HECW2: variants seen among roughly 807,000 people sequenced by gnomAD.
The protein encoded by HECW2 is HECT, C2 and WW domain containing E3 ubiquitin protein ligase 2, also known as E3 ubiquitin-protein ligase HECW2.
A neutral mutation model predicts 175.2 loss-of-function variants in HECW2; 61 were observed. The ratio of observed to expected loss-of-function variants is 0.35; its 90% CI spans 0.28 to 0.43. The LOEUF is 0.43. Ranked by LOEUF, HECW2 falls within the 20% of genes least tolerant of loss-of-function variation. The probability of loss-of-function intolerance (pLI) is 1.00; values close to 1 mark genes in which losing one functional copy is unlikely to be tolerated. For synonymous variants in HECW2, 671 were observed against 731.0 expected (o/e 0.92, Z 1.32); for missense variants, 1,524 against 2,000.5 (o/e 0.76, Z 4.54).
At chr2:196,379,719 A>T (rs1265956423) in intron 2 of HECW2, among the ~76,000 whole-genome samples, 4 of 150,484 alleles carry the variant, frequency 2.7e-5, no homozygotes, top group Non-Finnish European at 5.9e-5. Flanking sequence ...AGATTATGGC[A>T]CCTTAAGGAC....
chr2:196,244,316 C>T (rs1292144114), intron 19 of HECW2, among the ~76,000 whole-genome samples: 1 of 152,170 alleles, frequency 6.6e-6, no homozygotes, highest in Non-Finnish European at 1.5e-5. Context: ...TATACCTAGT[C>T]CTATAGATCC....
intron 2 of HECW2, among the ~76,000 whole-genome samples, chr2:196,372,997 A>C (rs187179168): frequency 1.3e-5 from 2 of 152,322 alleles, no homozygotes; most frequent in Admixed American, 1.3e-4. Flanking sequence ...GAGGATTGTG[A>C]AGCTACATAA....
chr2:196,261,602 T>A (rs1689296019), intron 17 of HECW2, among the ~76,000 whole-genome samples: 1 of 152,184 alleles, frequency 6.6e-6, no homozygotes. Flanking sequence ...CACAGAAAGG[T>A]GCAAATGTGT....
intron 1 of HECW2, among the ~76,000 whole-genome samples, chr2:196,585,515 G>GT (rs750545345): frequency 1.5e-4 from 23 of 152,326 alleles, no homozygotes; most frequent in Non-Finnish European, 2.8e-4. Context: ...ATTAGGATGA[G>GT]TTAGTTGAGC....
rs1686615909 is a variant in HECW2, at chr2:196,194,113, A to G, written c.*7164T>C. ...GATTTGTATTATAATTCATTCCTTT[A>G]ACATTAACAGCCCATCAAACAGTAA... is the stretch of plus-strand genomic sequence containing the variant. On this transcript the variant is annotated 3_prime_UTR_variant, in exon 29 of 29. Coordinates refer to ENST00000644978, the MANE Select transcript of HECW2 (RefSeq NM_001348768.2). 5 of 152,182 alleles carry G rather than the reference A, an allele frequency of 3.3e-5. No homozygotes were observed. Among genetic ancestry groups the G allele is most frequent in the Admixed American group, 3.3e-4 (5 of 15,284 alleles). 9.4% of individuals were successfully genotyped at this position (152,182 alleles called of 1,614,324 possible).
chr2:196,513,777 G>A (rs1250924986), intron 1 of HECW2, among the ~76,000 whole-genome samples: 3 of 152,256 alleles, frequency 2.0e-5, no homozygotes, highest in African/African-American at 7.2e-5. Flanking sequence ...CACCAGTGGT[G>A]CTCAAAGAGG....
intron 13 of HECW2, among the ~76,000 whole-genome samples, chr2:196,296,856 T>C (rs1690835196): frequency 6.6e-6 from 1 of 152,230 alleles, no homozygotes; most frequent in East Asian, 1.9e-4. Context: ...GAGTTTAGTC[T>C]TCATGAAGCT....
At chr2:196,209,490 A>T (rs532489255) in intron 28 of HECW2, among the ~76,000 whole-genome samples, 3 of 152,300 alleles carry the variant, frequency 2.0e-5, no homozygotes, top group Middle Eastern at 3.4e-3. Flanking sequence ...TAAAGTGAAA[A>T]TTTAAAATAC....
intron 1 of HECW2, among the ~76,000 whole-genome samples, chr2:196,450,574 C>T (rs1483814045): frequency 6.6e-6 from 1 of 151,464 alleles, no homozygotes; most frequent in Non-Finnish European, 1.5e-5. Flanking sequence ...TCACTGCAAC[C>T]TCTGCCTCCC....
At chr2:196,353,622 C>T (rs913014844) in intron 2 of HECW2, among the ~76,000 whole-genome samples, 1 of 152,226 alleles carries the variant, frequency 6.6e-6, no homozygotes, top group Non-Finnish European at 1.5e-5. Context: ...TGAAATGCCA[C>T]CTTCAAGCCA....
intron 1 of HECW2, among the ~76,000 whole-genome samples, chr2:196,556,676 A>G (rs1396756400): frequency 1.3e-5 from 2 of 152,338 alleles, no homozygotes; most frequent in Middle Eastern, 6.8e-3. Context: ...GAGACATTCA[A>G]TGAACATCTG....
At chr2:196,463,762 C>T (rs1366766229) in intron 1 of HECW2, among the ~76,000 whole-genome samples, 3 of 152,160 alleles carry the variant, frequency 2.0e-5, no homozygotes, top group Admixed American at 6.5e-5. Flanking sequence ...ACCTTCTACC[C>T]TTTATACTGC....
chr2:196,262,860 G>A (rs1689358446), intron 17 of HECW2, among the ~76,000 whole-genome samples: 1 of 151,972 alleles, frequency 6.6e-6, no homozygotes, highest in Admixed American at 6.6e-5. Context: ...TGCTCAGCCC[G>A]TCCTCCTTTA....
chr2:196,491,769 G>T (rs1687205548), intron 1 of HECW2, among the ~76,000 whole-genome samples: 1 of 151,760 alleles, frequency 6.6e-6, no homozygotes, highest in Non-Finnish European at 1.5e-5. Context: ...AAATAATAAA[G>T]ATATCATTTG....
chr2:196,561,914 TAGAGGCAATGAAA>T (rs2125500502), intron 1 of HECW2, among the ~76,000 whole-genome samples: 1 of 152,326 alleles, frequency 6.6e-6, no homozygotes, highest in African/African-American at 2.4e-5. Flanking sequence ...TGTGAGAACT[TAGAGGCAATGAAA>T]AGAGGCAATC....
At chr2:196,250,376 C>CAGAA (rs1173143110) in intron 19 of HECW2, among the ~76,000 whole-genome samples, 26 of 152,058 alleles carry the variant, frequency 1.7e-4, no homozygotes, top group Non-Finnish European at 2.9e-4. Flanking sequence ...ATCAAATTTC[C>CAGAA]AGAAAGAAAG....
chr2:196,553,436 A>G (rs766715047), intron 1 of HECW2, among the ~76,000 whole-genome samples: 1 of 152,230 alleles, frequency 6.6e-6, no homozygotes, highest in Non-Finnish European at 1.5e-5. Context: ...CTGGGCACAC[A>G]GTAGAGAATA....
chr2:196,231,078 G>A (rs749003221), intron 21 of HECW2, among the ~76,000 whole-genome samples: 7 of 109,724 alleles, frequency 6.4e-5, no homozygotes, highest in Non-Finnish European at 1.2e-4. Context: ...TGGCGACAGA[G>A]CAGGACTCCG....
chr2:196,587,263 T>C (rs540686896), intron 1 of HECW2, among the ~76,000 whole-genome samples: 1 of 152,382 alleles, frequency 6.6e-6, no homozygotes, highest in Admixed American at 6.5e-5. Flanking sequence ...AAAACATCCA[T>C]GGCTTCATGC....
Sources: allele counts gnomAD v4.1 joint callset (sites outside exome capture counted in the v4.1 genomes callset), GRCh38; gene constraint gnomAD v4.1.1; transcripts MANE v1.5; gene names NCBI Gene and HGNC (gene_info 2026-07-23, HGNC 2026-07-21).